PTPRD: variants seen among roughly 807,000 people sequenced by gnomAD.
PTPRD encodes receptor-type tyrosine-protein phosphatase delta.
A neutral mutation model predicts 214.5 loss-of-function variants in PTPRD; 34 were observed. That is an observed-to-expected ratio of 0.16 (90% CI 0.12 to 0.21). PTPRD has a LOEUF of 0.21. Ranked by LOEUF, PTPRD falls within the 10% of genes least tolerant of loss-of-function variation. PTPRD has a pLI of 1.00. For missense variants in PTPRD, 2,545 were observed against 2,398.7 expected (o/e 1.06, Z -1.27); for synonymous variants, 1,128 against 845.7 (o/e 1.33, Z -5.79).
intron 9 of PTPRD, among the ~76,000 whole-genome samples, chr9:9,273,077 T>A (rs567689662): frequency 6.6e-5 from 10 of 151,446 alleles, no homozygotes; most frequent in African/African-American, 2.2e-4. Flanking sequence ...CAAATTTGAA[T>A]TTGAGTTTTG....
intron 5 of PTPRD, among the ~76,000 whole-genome samples, chr9:9,856,638 CA>C (rs35166329): frequency 0.24 from 35,576 of 146,714 alleles, 5,337 homozygotes; most frequent in East Asian, 0.74. Context: ...GAAAATTTAC[CA>C]AAAAAAAAAA....
intron 14 of PTPRD, among the ~76,000 whole-genome samples, chr9:8,600,782 C>G (rs2094809464): frequency 6.6e-6 from 1 of 152,000 alleles, no homozygotes; most frequent in Admixed American, 6.6e-5. Flanking sequence ...TACCACAGGC[C>G]TTGGGTAAGT....
At chr9:10,376,864 G>C (rs892652269) in intron 2 of PTPRD, among the ~76,000 whole-genome samples, 1 of 151,850 alleles carries the variant, frequency 6.6e-6, no homozygotes, top group Admixed American at 6.6e-5. Flanking sequence ...GTAAAATAGA[G>C]TACGTAACCC....
intron 11 of PTPRD, among the ~76,000 whole-genome samples, chr9:8,827,938 A>G (rs1285652254): frequency 2.6e-5 from 4 of 152,194 alleles, no homozygotes; most frequent in Non-Finnish European, 5.9e-5. Flanking sequence ...ATCTCAAAGC[A>G]CATTTAATTA....
At chr9:8,821,268 C>T (rs2097056328) in intron 11 of PTPRD, among the ~76,000 whole-genome samples, 1 of 151,890 alleles carries the variant, frequency 6.6e-6, no homozygotes, top group Admixed American at 6.6e-5. Flanking sequence ...CCCATGTTTA[C>T]AGCCACCTCT....
chr9:8,360,717 C>T (rs774179689), intron 39 of PTPRD, among the ~76,000 whole-genome samples: 3 of 152,084 alleles, frequency 2.0e-5, no homozygotes, highest in South Asian at 4.1e-4. Context: ...TTCATCATCT[C>T]GTTTTATTAC....
intron 9 of PTPRD, among the ~76,000 whole-genome samples, chr9:9,270,417 A>G (rs143408336): frequency 2.0e-5 from 3 of 151,446 alleles, no homozygotes; most frequent in Admixed American, 6.6e-5. Context: ...GAGCAAGCCA[A>G]TGTTGGGAAA....
chr9:9,582,522 T>C (rs1344300481), intron 7 of PTPRD, among the ~76,000 whole-genome samples: 1 of 150,706 alleles, frequency 6.6e-6, no homozygotes, highest in Non-Finnish European at 1.5e-5. Context: ...GAGAGATAAA[T>C]AAATTATATG....
intron 9 of PTPRD, among the ~76,000 whole-genome samples, chr9:9,262,007 T>C (rs765406730): frequency 2.0e-5 from 3 of 151,724 alleles, no homozygotes; most frequent in Non-Finnish European, 4.4e-5. Context: ...GTATAGATTA[T>C]AGAACTCTAC....
At chr9:8,845,553 T>A (rs2097675069) in intron 11 of PTPRD, among the ~76,000 whole-genome samples, 1 of 152,234 alleles carries the variant, frequency 6.6e-6, no homozygotes, top group African/African-American at 2.4e-5. Context: ...CTTACAGGCA[T>A]GGCACAGCCA....
chr9:8,799,420 C>A (rs146378675), intron 11 of PTPRD, among the ~76,000 whole-genome samples: 298 of 152,274 alleles, frequency 2.0e-3, no homozygotes, highest in African/African-American at 6.9e-3. Flanking sequence ...CTGGAAGAGA[C>A]CTGGAATTGT....
At chr9:9,900,767 G>C (rs1252094387) in intron 5 of PTPRD, among the ~76,000 whole-genome samples, 1 of 151,690 alleles carries the variant, frequency 6.6e-6, no homozygotes, top group African/African-American at 2.4e-5. Context: ...CTCCCGAGTA[G>C]CTGGAACTAC....
chr9:9,580,935 C>G (rs967428272), intron 7 of PTPRD, among the ~76,000 whole-genome samples: 1 of 151,924 alleles, frequency 6.6e-6, no homozygotes, highest in South Asian at 2.1e-4. Flanking sequence ...CAGTCCCTGT[C>G]AGTTGTGTTG....
At chr9:10,210,878 G>A (rs1168273568) in intron 3 of PTPRD, among the ~76,000 whole-genome samples, 1 of 143,682 alleles carries the variant, frequency 7.0e-6, no homozygotes, top group Non-Finnish European at 1.5e-5. Context: ...GAACAGCTGT[G>A]ATGTTTCTTT....
At chr9:9,686,947 T>C (rs141079019) in intron 7 of PTPRD, among the ~76,000 whole-genome samples, 86 of 151,876 alleles carry the variant, frequency 5.7e-4, no homozygotes, top group Non-Finnish European at 1.1e-3. Flanking sequence ...AACAAAAATG[T>C]ATAAGACATT....
chr9:9,014,071 T>C (rs901409664), intron 11 of PTPRD, among the ~76,000 whole-genome samples: 1 of 152,122 alleles, frequency 6.6e-6, no homozygotes, highest in African/African-American at 2.4e-5. Flanking sequence ...ACCATTTTTC[T>C]ATAATAAGTA....
intron 6 of PTPRD, among the ~76,000 whole-genome samples, chr9:9,745,900 A>G (rs1345195639): frequency 1.3e-5 from 2 of 152,202 alleles, no homozygotes; most frequent in African/African-American, 4.8e-5. Flanking sequence ...AAATCACAGT[A>G]TAATAGGCTT....
intron 11 of PTPRD, among the ~76,000 whole-genome samples, chr9:8,844,919 A>G (rs2097656052): frequency 6.6e-6 from 1 of 152,166 alleles, no homozygotes; most frequent in Non-Finnish European, 1.5e-5. Flanking sequence ...ATGACAACAT[A>G]AAGCTCTCCA....
At chr9:10,245,071 T>C (rs772096278) in intron 3 of PTPRD, among the ~76,000 whole-genome samples, 1 of 152,178 alleles carries the variant, frequency 6.6e-6, no homozygotes, top group Non-Finnish European at 1.5e-5. Flanking sequence ...TTATTTCTAA[T>C]GATGACATAA....
Sources: allele counts gnomAD v4.1 joint callset (sites outside exome capture counted in the v4.1 genomes callset), GRCh38; gene constraint gnomAD v4.1.1; transcripts MANE v1.5; gene names NCBI Gene and HGNC (gene_info 2026-07-23, HGNC 2026-07-21).